The following WWP2 variants were observed in gnomAD, a reference collection of about 807,000 sequenced individuals.
WWP2 encodes WW domain containing E3 ubiquitin protein ligase 2.
WWP2 carries 57 observed loss-of-function variants against 121.0 expected under a neutral mutation model. That is an observed-to-expected ratio of 0.47 (90% CI 0.38 to 0.59). WWP2 has a LOEUF of 0.59. Ranked by LOEUF, WWP2 falls within the 20% of genes least tolerant of loss-of-function variation. WWP2 has a pLI of 0.00. For synonymous variants in WWP2, 449 were observed against 441.3 expected (o/e 1.02, Z -0.22); for missense variants, 962 against 1,158.9 (o/e 0.83, Z 2.47).
intron 10 of WWP2, among the ~76,000 whole-genome samples, chr16:69,922,864 T>G (rs902306351): frequency 3.3e-5 from 5 of 151,738 alleles, no homozygotes; most frequent in Non-Finnish European, 7.4e-5. Flanking sequence ...ATTAGGTTGG[T>G]GCAAAAGTAA....
rs758596847 is a variant in WWP2, at chr16:69,939,901, G to A, written c.2574G>A (p.Leu858=). Residue 858 remains leucine (L), a synonymous_variant, in exon 24 of 24, where the codon CTG becomes CTA. Transcript: ENST00000359154. The part of the protein sequence containing the change: ...KSYEQLREKL[L]YAIEETEGFG... ...ACGAACAGCTGAGAGAGAAGCTGCT[G>A]TATGCCATTGAGGAGACCGAGGGCT... 2.5e-6 allele frequency: 4 copies of A among 1,613,858 alleles called. No individual in the cohort carries two copies. Among genetic ancestry groups the A allele is most frequent in the African/African-American group, 1.3e-5 (1 of 74,928 alleles).
At chr16:69,901,521 T>C (rs185990391) in intron 8 of WWP2, among the ~76,000 whole-genome samples, 2 of 152,198 alleles carry the variant, frequency 1.3e-5, no homozygotes, top group Admixed American at 6.5e-5. Flanking sequence ...CATGCCATTC[T>C]CCTGCTTCAG....
At chr16:69,938,677 A>G (rs1364785317) in intron 21 of WWP2, among the ~76,000 whole-genome samples, 1 of 152,176 alleles carries the variant, frequency 6.6e-6, no homozygotes, top group Non-Finnish European at 1.5e-5. Flanking sequence ...TGGCACCACT[A>G]TCTAATTCTG....
chr16:69,775,141 G>C (rs1597644186), intron 1 of WWP2: 1 of 152,116 alleles, frequency 6.6e-6, no homozygotes. Context: ...TGATTGACTG[G>C]TAATACACTG....
Position 69,770,233 on chromosome 16 carries a change from G to A in WWP2, c.-16+7842G>A, listed in dbSNP as rs546611741. ...GGATAGTCTCAGGATTTGGGGGCCA[G>A]TGGCCAGGGAAACCAGCCTTGTAGT... On this transcript the variant is annotated intron_variant, in intron 1 of 23. Transcript: ENST00000359154. 1.3e-3 allele frequency among the ~76,000 whole-genome samples: 203 copies of A among 152,278 alleles called. 1 individual carries two copies. The highest frequency in any genetic ancestry group is 6.0e-3 in the South Asian group (29 of 4,830).
chr16:69,905,156 G>A lies in WWP2; in HGVS notation c.915-3605G>A, dbSNP rs149103338. ...CTTGCCGCTCACACTGCTTGGCAGC[G>A]CTCTCTGAGCCTCTCCTGGTTCTGA... On this transcript the variant is annotated intron_variant, in intron 8 of 23. Coordinates refer to ENST00000359154, the MANE Select transcript of WWP2 (RefSeq NM_001270454.2). 8.5e-5 allele frequency among the ~76,000 whole-genome samples: 13 copies of A among 152,308 alleles called. No individual in the cohort carries two copies. In the East Asian group the frequency reaches 1.7e-3, roughly 20 times the overall value.
At chr16:69,888,416 A>C (rs186223320) in intron 8 of WWP2, among the ~76,000 whole-genome samples, 167 bp downstream of exon 8, 116 of 152,276 alleles carry the variant, frequency 7.6e-4, no homozygotes, top group Non-Finnish European at 1.3e-3. Context: ...GTTCTACATA[A>C]ATCTTAAAAA....
intron 6 of WWP2, among the ~76,000 whole-genome samples, chr16:69,859,922 G>A (rs1207182658): frequency 7.3e-6 from 1 of 136,320 alleles, no homozygotes; most frequent in Non-Finnish European, 1.5e-5. Flanking sequence ...GGTACACGAC[G>A]ACATACTTGA....
intron 15 of WWP2, 72 bp from the exon 16 acceptor site, chr16:69,931,730 C>T (rs1343578807): frequency 1.9e-6 from 3 of 1,581,360 alleles, no homozygotes; most frequent in Admixed American, 1.7e-5. Flanking sequence ...GCCTTAGAGT[C>T]CCCTGTCCCT....
Position 69,844,301 on chromosome 16 carries a change from T to C in WWP2, c.575+2181T>C, listed in dbSNP as rs531289756. ...CCTGGAACTGGAGGAAACAATTTCT[T>C]AAGCTAGAACAGCGGTGGGCGAGGA... On this transcript the variant is annotated intron_variant, in intron 6 of 23. Transcript: ENST00000359154. Among the ~76,000 whole-genome samples, 26 of 152,324 alleles carry C rather than the reference T, an allele frequency of 1.7e-4. No homozygotes were observed. In the South Asian group the frequency reaches 5.0e-3, roughly 29 times the overall value.
At chr16:69,887,997 C>A (rs751150909) in intron 7 of WWP2, 42 bp from the exon 8 acceptor site, 7 of 1,604,710 alleles carry the variant, frequency 4.4e-6, no homozygotes, top group Non-Finnish European at 5.1e-6. Flanking sequence ...ATAAAATTCT[C>A]ATTCTTAGTT....
Position 69,931,134 on chromosome 16 carries a change from C to T in WWP2, c.1446-18C>T, listed in dbSNP as rs1457849883. ...CTGAGAAATCGCATGAACCCCTGAACATCTTTGCTCTTCCTAGGACGAAGC... is the reference window on the plus strand; with the variant it reads ...CTGAGAAATCGCATGAACCCCTGAATATCTTTGCTCTTCCTAGGACGAAGC... On this transcript the variant is annotated intron_variant, in intron 13 of 23. Transcript: ENST00000359154. 6.2e-7 allele frequency: 1 copy of T among 1,612,710 alleles called. No individual in the cohort carries two copies. The highest frequency in any genetic ancestry group is 1.3e-5 in the African/African-American group (1 of 74,854).
At chr16:69,793,119 G>T (rs1423981505) in intron 2 of WWP2, among the ~76,000 whole-genome samples, 1 of 152,164 alleles carries the variant, frequency 6.6e-6, no homozygotes, top group Non-Finnish European at 1.5e-5. Context: ...ACTTTGGGAG[G>T]CCTAGGTGGG....
chr16:69,787,113 C>T (rs1387249384), intron 2 of WWP2, 33 bp downstream of exon 2: 31 of 1,580,526 alleles, frequency 2.0e-5, no homozygotes, highest in Non-Finnish European at 2.7e-5. Flanking sequence ...TTCATCTTGT[C>T]TACGCCCAGG....
intron 4 of WWP2, among the ~76,000 whole-genome samples, chr16:69,828,268 C>T (rs940727948): frequency 1.3e-5 from 2 of 152,156 alleles, no homozygotes; most frequent in African/African-American, 4.8e-5. Context: ...CTTAGAGGCT[C>T]CCCTTTCCTG....
chr16:69,788,327 A>G (rs1161530723), intron 2 of WWP2: 1 of 152,222 alleles, frequency 6.6e-6, no homozygotes, highest in Non-Finnish European at 1.5e-5. Flanking sequence ...ATGTCTCAGA[A>G]AAAAAAATGT....
chr16:69,840,531 T>C (rs1052758167), intron 5 of WWP2, among the ~76,000 whole-genome samples: 15 of 152,234 alleles, frequency 9.9e-5, no homozygotes, highest in African/African-American at 3.4e-4. Context: ...ATGTGGACTT[T>C]GGAAAATGAA....
At position 69,798,957 on chromosome 16, in the gene WWP2, G is replaced by A; in HGVS notation, c.218+128G>A. On this transcript the variant is annotated intron_variant, in intron 3 of 23. Transcript: ENST00000359154. ...TTTTTCTACCTATGGTACCCAAGGT[G>A]ACTCTTTTTAGGTGTTCCTACACCA... 7.0e-6 allele frequency: 10 copies of A among 1,422,034 alleles called. No homozygotes were observed. In the South Asian group the frequency reaches 9.5e-5, roughly 13 times the overall value. The allele number at this position is 1,422,034 out of a possible 1,614,324, so 88.1% of individuals were successfully genotyped here. A position where few individuals can be genotyped will look rare whatever the true frequency, so the allele number is the denominator to read the frequency against.
rs369584924 is a variant in WWP2 at position 69,862,121 on chromosome 16, A to G, written c.576-9683A>G. ...GCTCTTGTTGCCCCGGCTGGAGTGC[A>G]ATGGTGTGATCTCGGCACACTGCAA... On this transcript the variant is annotated intron_variant, in intron 6 of 23. Coordinates refer to ENST00000359154, the MANE Select transcript of WWP2 (RefSeq NM_001270454.2). 1.1e-4 allele frequency among the ~76,000 whole-genome samples: 16 copies of G among 152,278 alleles called. 2 individuals carry two copies. The highest frequency in any genetic ancestry group is 3.9e-4 in the East Asian group (2 of 5,188).
Sources: gnomAD v4.1 joint callset for allele counts (sites outside exome capture counted in the v4.1 genomes callset) on GRCh38, gnomAD v4.1.1 for gene constraint, MANE v1.5 for transcripts, NCBI Gene and HGNC (gene_info 2026-07-23, HGNC 2026-07-21) for gene names.